TACR1: variants seen among roughly 807,000 people sequenced by gnomAD.
TACR1 encodes the protein tachykinin receptor 1, also known as substance-P receptor.
A neutral mutation model predicts 35.8 loss-of-function variants in TACR1; 25 were observed. That is an observed-to-expected ratio of 0.70 (90% CI 0.51 to 0.98). The LOEUF (loss-of-function observed/expected upper bound fraction) is 0.98, where lower values mean the gene tolerates loss of function less well. Ranked by LOEUF, TACR1 falls within the 50% of genes least tolerant of loss-of-function variation. TACR1 has a pLI of 0.00. For missense variants in TACR1, 478 were observed against 522.9 expected (o/e 0.91, Z 0.84); for synonymous variants, 195 against 206.7 (o/e 0.94, Z 0.48).
chr2:75,193,882 G>A (rs1356560136), intron 1 of TACR1, among the ~76,000 whole-genome samples: 3 of 152,048 alleles, frequency 2.0e-5, no homozygotes, highest in South Asian at 2.1e-4. Context: ...AGCCCTTTGA[G>A]GGAATAAACA....
intron 1 of TACR1, among the ~76,000 whole-genome samples, chr2:75,192,573 G>A (rs1675874618): frequency 6.6e-6 from 1 of 152,172 alleles, no homozygotes; most frequent in African/African-American, 2.4e-5. Flanking sequence ...TTTCTCTTGT[G>A]TGATAGGACT....
At chr2:75,194,255 T>C (rs151014339) in intron 1 of TACR1, among the ~76,000 whole-genome samples, 1 of 152,288 alleles carries the variant, frequency 6.6e-6, no homozygotes, top group Admixed American at 6.5e-5. Flanking sequence ...ATGACCCATC[T>C]GAGAATTAAC....
intron 1 of TACR1, among the ~76,000 whole-genome samples, chr2:75,157,997 T>A (rs779518433): frequency 1.3e-5 from 2 of 152,254 alleles, no homozygotes; most frequent in Non-Finnish European, 2.9e-5. Context: ...TTTGGGAAAT[T>A]CTCATTATTA....
chr2:75,087,153 C>G (rs1673205341), intron 2 of TACR1, among the ~76,000 whole-genome samples: 1 of 152,148 alleles, frequency 6.6e-6, no homozygotes, highest in South Asian at 2.1e-4. Flanking sequence ...TGAAATGATA[C>G]TACTATGGAT....
rs1458447489 is a variant in TACR1 at position 75,156,595 on chromosome 2, T to C, written c.390-35827A>G. Among the ~76,000 whole-genome samples, 89 of 93,260 alleles carry C rather than the reference T, an allele frequency of 9.5e-4. 1 individual carries two copies. Among genetic ancestry groups the C allele is most frequent in the African/African-American group, 3.4e-3 (86 of 25,248 alleles). The allele number at this position is 93,260 out of a possible 152,430, so 61.2% of individuals were successfully genotyped here. ...TCCAGCCTGGGTAACAGAGCGAGAC[T>C]CCGTCTCAAAAAAAAAAAAAAAAAA... On this transcript the variant is annotated intron_variant, in intron 1 of 4. Coordinates refer to ENST00000305249, the MANE Select transcript of TACR1 (RefSeq NM_001058.4).
chr2:75,162,941 T>G (rs533570633), intron 1 of TACR1, among the ~76,000 whole-genome samples: 3 of 152,210 alleles, frequency 2.0e-5, no homozygotes, highest in Non-Finnish European at 4.4e-5. Context: ...ATTTTCCCTG[T>G]CCTGGTCCCA....
Position 75,127,067 on chromosome 2 carries a change from T to A in TACR1, c.390-6299A>T, listed in dbSNP as rs78938534. On this transcript the variant is annotated intron_variant, in intron 1 of 4. Coordinates refer to ENST00000305249, the MANE Select transcript of TACR1 (RefSeq NM_001058.4). The stretch of plus-strand genomic sequence containing the variant: ...GAAGTAAATTTGGATTCTGTCTTTC[T>A]ATATGGCATCACCCTCTGGCTCTTC... Among the ~76,000 whole-genome samples, 893 of 152,306 alleles carry A rather than the reference T, an allele frequency of 5.9e-3. 8 individuals are homozygous for A. The highest frequency in any genetic ancestry group is 0.02 in the African/African-American group (829 of 41,560).
chr2:75,119,540 C>T (rs1673923422), intron 2 of TACR1, among the ~76,000 whole-genome samples: 1 of 152,216 alleles, frequency 6.6e-6, no homozygotes, highest in Non-Finnish European at 1.5e-5. Flanking sequence ...ATAAATGTCA[C>T]ATTGTGGCTC....
At chr2:75,100,375 T>C (rs1365261892) in intron 2 of TACR1, among the ~76,000 whole-genome samples, 2 of 152,250 alleles carry the variant, frequency 1.3e-5, no homozygotes, top group African/African-American at 2.4e-5. Context: ...GCATAAATTA[T>C]AACCTCTCTT....
intron 2 of TACR1, among the ~76,000 whole-genome samples, chr2:75,053,963 ATTTATGTT>A (rs1369791801): frequency 1.3e-5 from 2 of 152,308 alleles, no homozygotes; most frequent in African/African-American, 4.8e-5. Flanking sequence ...ACAGAAAACA[ATTTATGTT>A]TTTCTTGTGG....
rs760458818 is a variant in TACR1 at position 75,053,800 on chromosome 2, T to C, written c.585-45A>G. The C allele has an allele frequency of 2.5e-6, 4 of 1,611,656 alleles. No individual in the cohort carries two copies. The South Asian group carries it at 4.4e-5, about 18-fold the overall frequency. On this transcript the variant is annotated intron_variant, in intron 2 of 4. Coordinates refer to ENST00000305249, the MANE Select transcript of TACR1 (RefSeq NM_001058.4). ...AAAGGTCAGTATGATATACTTATTATTTTAGGTTTTTAATTTTTGTTATTG... is the reference window on the plus strand; with the variant it reads ...AAAGGTCAGTATGATATACTTATTACTTTAGGTTTTTAATTTTTGTTATTG...
At chr2:75,137,042 G>T (rs1674306736) in intron 1 of TACR1, among the ~76,000 whole-genome samples, 1 of 152,170 alleles carries the variant, frequency 6.6e-6, no homozygotes, top group Non-Finnish European at 1.5e-5. Flanking sequence ...TTAGGTCAAT[G>T]GTATCTCACC....
intron 2 of TACR1, among the ~76,000 whole-genome samples, chr2:75,057,850 G>A (rs1406583444): frequency 6.6e-6 from 1 of 152,106 alleles, no homozygotes; most frequent in South Asian, 2.1e-4. Flanking sequence ...AATTTACTTG[G>A]TGTCACTGAA....
chr2:75,195,345 C>G (rs1338970834), intron 1 of TACR1, among the ~76,000 whole-genome samples: 1 of 151,842 alleles, frequency 6.6e-6, no homozygotes, highest in African/African-American at 2.4e-5. Context: ...TCTCCTATCC[C>G]CTTCCCACCT....
At chr2:75,073,475 G>T (rs2103819728) in intron 2 of TACR1, among the ~76,000 whole-genome samples, 1 of 152,358 alleles carries the variant, frequency 6.6e-6, no homozygotes, top group Middle Eastern at 3.4e-3. Flanking sequence ...GTTGGAATTG[G>T]CTGGTAAGGT....
intron 2 of TACR1, among the ~76,000 whole-genome samples, chr2:75,083,908 T>C (rs1462899937): frequency 6.6e-6 from 1 of 152,176 alleles, no homozygotes; most frequent in African/African-American, 2.4e-5. Flanking sequence ...CCTAATTGAA[T>C]ACCCTTTATT....
chr2:75,156,203 G>C (rs1033541555), intron 1 of TACR1: 2 of 152,136 alleles, frequency 1.3e-5, no homozygotes, highest in Non-Finnish European at 2.9e-5. Flanking sequence ...GTAAGCGATA[G>C]AAGAGGAGAA....
intron 1 of TACR1, among the ~76,000 whole-genome samples, chr2:75,194,245 A>G (rs1481732347): frequency 1.3e-5 from 2 of 152,146 alleles, no homozygotes; most frequent in Non-Finnish European, 2.9e-5. Flanking sequence ...TGAAATCTAA[A>G]TGACCCATCT....
intron 2 of TACR1, among the ~76,000 whole-genome samples, chr2:75,115,673 G>A (rs1394738964): frequency 1.3e-5 from 2 of 151,962 alleles, no homozygotes; most frequent in African/African-American, 4.8e-5. Flanking sequence ...TTGGGAGGCC[G>A]AGGCGGGTGG....
Sources: allele counts gnomAD v4.1 joint callset (sites outside exome capture counted in the v4.1 genomes callset), GRCh38; gene constraint gnomAD v4.1.1; transcripts MANE v1.5; gene names NCBI Gene and HGNC (gene_info 2026-07-23, HGNC 2026-07-21).